ZGRF1: variants seen among roughly 807,000 people sequenced by gnomAD.
The protein encoded by ZGRF1 is zinc finger GRF-type containing 1, also known as 5'-3' DNA helicase ZGRF1.
Under a neutral mutation model 203.5 loss-of-function variants are expected in ZGRF1, and 196 were observed. The observed-to-expected ratio is 0.96, with a 90% CI of 0.86 to 1.08. The LOEUF is 1.08. ZGRF1 is among the 50% of genes least tolerant of loss of function. ZGRF1 has a pLI of 0.00. For missense variants in ZGRF1, 2,326 were observed against 2,416.3 expected (o/e 0.96, Z 0.78); for synonymous variants, 809 against 841.3 (o/e 0.96, Z 0.66).
At position 112,633,145 on chromosome 4, in the gene ZGRF1, G is replaced by T. The variant is rs1324326411; in HGVS notation, c.21+11C>A. ...GAATTTCACCAAACTGTGAAAAATG[G>T]TAAAACTTACAATAAATTCTTGGCT... On this transcript the variant is annotated intron_variant, in intron 2 of 27. Coordinates refer to ENST00000505019, the MANE Select transcript of ZGRF1 (RefSeq NM_018392.5). The T allele has an allele frequency of 5.6e-6, 9 of 1,607,608 alleles. No homozygotes were observed. The highest frequency in any genetic ancestry group is 3.4e-6 in the Non-Finnish European group (4 of 1,175,278).
At chr4:112,563,079 A>C in intron 17 of ZGRF1, 52 bp downstream of exon 17, 118 of 1,391,480 alleles carry the variant, frequency 8.5e-5, no homozygotes, top group Non-Finnish European at 1.0e-4. Flanking sequence ...AGTGCATCTT[A>C]TGTCTATCAT....
At chr4:112,552,219 G>C (rs1224009594) in intron 22 of ZGRF1, among the ~76,000 whole-genome samples, 2 of 151,730 alleles carry the variant, frequency 1.3e-5, no homozygotes, top group African/African-American at 4.8e-5. Flanking sequence ...GGAGGTTGCA[G>C]TGAGCTGAGA....
rs771351909 is a variant in ZGRF1 at position 112,597,891 on chromosome 4, C to CCA, written c.2976+5631_2976+5632dup. Among the ~76,000 whole-genome samples the CCA allele has an allele frequency of 2.8e-3, 405 of 147,110 alleles. 2 individuals carry two copies. Among genetic ancestry groups the CCA allele is most frequent in the African/African-American group, 8.9e-3 (354 of 39,884 alleles). ...AGAGCCAGACTGTCTCAAAATGTAC[C>CCA]CACACACACACACACTGAAAAAAAA... On this transcript the variant is annotated intron_variant, in intron 10 of 27. Coordinates refer to ENST00000505019, the MANE Select transcript of ZGRF1 (RefSeq NM_018392.5).
At chr4:112,546,072 GTAA>G (rs142640030) in intron 24 of ZGRF1, among the ~76,000 whole-genome samples, 75 of 147,252 alleles carry the variant, frequency 5.1e-4, no homozygotes, top group African/African-American at 1.8e-3. Flanking sequence ...GTACTTTAAA[GTAA>G]TAATAATAAT....
Position 112,605,887 on chromosome 4 carries a change from T to C in ZGRF1, c.2802+121A>G, listed in dbSNP as rs145531959. The C allele has an allele frequency of 4.2e-5, 29 of 694,414 alleles. No homozygotes were observed. The African/African-American group carries it at 4.8e-4, about 12-fold the overall frequency. 43.0% of individuals were successfully genotyped at this position (694,414 alleles called of 1,614,324 possible). A position where few individuals can be genotyped will look rare whatever the true frequency, so the allele number is the denominator to read the frequency against. On this transcript the variant is annotated intron_variant, in intron 9 of 27. Coordinates refer to ENST00000505019, the MANE Select transcript of ZGRF1 (RefSeq NM_018392.5). ...TTTCTTGTTCTTAAAACCAGACTTA[T>C]TTATTATGCTACTAACCTTCTGCCT...
At chr4:112,601,355 A>C (rs1291572114) in intron 10 of ZGRF1, among the ~76,000 whole-genome samples, 1 of 151,934 alleles carries the variant, frequency 6.6e-6, no homozygotes, top group Non-Finnish European at 1.5e-5. Context: ...TTTGAGAACA[A>C]CCTGGCCAAC....
At chr4:112,558,434 C>G in intron 19 of ZGRF1, 125 bp from the exon 20 acceptor site, 7 of 704,066 alleles carry the variant, frequency 9.9e-6, no homozygotes, top group Non-Finnish European at 1.5e-5. Flanking sequence ...GTGACACAAT[C>G]TCAGCTCACT....
intron 7 of ZGRF1, among the ~76,000 whole-genome samples, chr4:112,609,650 T>C (rs1193111713): frequency 6.6e-6 from 1 of 151,040 alleles, no homozygotes; most frequent in East Asian, 2.0e-4. Flanking sequence ...TACTAAAAAA[T>C]ACAAAAACTA....
intron 10 of ZGRF1, among the ~76,000 whole-genome samples, chr4:112,591,409 C>G (rs1254028080): frequency 1.3e-5 from 2 of 152,182 alleles, no homozygotes; most frequent in African/African-American, 2.4e-5. Flanking sequence ...TCCCCTACTA[C>G]CCTCTCCAGA....
chr4:112,580,755 G>A lies in ZGRF1; in HGVS notation c.4438+908C>T, dbSNP rs190923332. Among the ~76,000 whole-genome samples, 42 of 152,154 alleles carry A rather than the reference G, an allele frequency of 2.8e-4. No individual in the cohort carries two copies. The East Asian group carries it at 4.4e-3, about 16-fold the overall frequency. On this transcript the variant is annotated intron_variant, in intron 16 of 27. Coordinates refer to ENST00000505019, the MANE Select transcript of ZGRF1 (RefSeq NM_018392.5). ...ACCATCTCACACCAGTAAGAATGGC[G>A]ATCACTAAAAAGTCAGGAAACAACA...
intron 10 of ZGRF1, among the ~76,000 whole-genome samples, chr4:112,599,554 T>TAAA (rs558887822): frequency 7.8e-6 from 1 of 127,856 alleles, no homozygotes; most frequent in Non-Finnish European, 1.7e-5. Flanking sequence ...ACCCTGTGTC[T>TAAA]AAAAAAAAAA....
In ZGRF1 at chr4:112,631,859, G is replaced by GT. The variant is rs1274028414; in HGVS notation, c.102+70dup. The GT allele has an allele frequency of 6.9e-6, 5 of 727,168 alleles. No individual in the cohort carries two copies. The Admixed American group carries it at 8.9e-5, about 13-fold the overall frequency. The allele number at this position is 727,168 out of a possible 1,614,324, so 45.0% of individuals were successfully genotyped here. The stretch of plus-strand genomic sequence containing the variant: ...TATATCTGACATTTTATCATGTACA[G>GT]TTTTTTAAATATTCAATCAAAAATC... On this transcript the variant is annotated intron_variant, in intron 3 of 27. Transcript: ENST00000505019.
chr4:112,567,054 C>CCT (rs1264084265), intron 16 of ZGRF1, among the ~76,000 whole-genome samples: 1 of 152,132 alleles, frequency 6.6e-6, no homozygotes, highest in Non-Finnish European at 1.5e-5. Context: ...CCTCCAAACT[C>CCT]CTAGGGCTAA....
intron 24 of ZGRF1, among the ~76,000 whole-genome samples, chr4:112,546,233 G>A (rs1242766181): frequency 6.6e-6 from 1 of 152,014 alleles, no homozygotes; most frequent in Non-Finnish European, 1.5e-5. Flanking sequence ...GCAGGCTGGT[G>A]TTTGCCAGAA....
In ZGRF1 at chr4:112,586,331, A is replaced by G. The variant is rs953608746; in HGVS notation, c.3916+114T>C. 24 of 760,890 alleles carry G rather than the reference A, an allele frequency of 3.2e-5. No homozygotes were observed. The African/African-American group carries it at 3.8e-4, about 12-fold the overall frequency. The allele number at this position is 760,890 out of a possible 1,614,324, so 47.1% of individuals were successfully genotyped here. ...AAGTTACTGTCAAAAACTAGAACATATGAAAAATAAGGTATTTAGTATGAA... is the reference window on the plus strand; with the variant it reads ...AAGTTACTGTCAAAAACTAGAACATGTGAAAAATAAGGTATTTAGTATGAA... On this transcript the variant is annotated intron_variant, in intron 13 of 27. Coordinates refer to ENST00000505019, the MANE Select transcript of ZGRF1 (RefSeq NM_018392.5).
At chr4:112,554,657 A>C in intron 21 of ZGRF1, 48 bp downstream of exon 21, 1 of 901,096 alleles carries the variant, frequency 1.1e-6, no homozygotes, top group Non-Finnish European at 1.8e-6. Context: ...TAAAAGTACC[A>C]TACTTCCCTC....
At chr4:112,583,487 T>C (rs1746633691) in intron 15 of ZGRF1, among the ~76,000 whole-genome samples, 1 of 152,170 alleles carries the variant, frequency 6.6e-6, no homozygotes, top group Non-Finnish European at 1.5e-5. Flanking sequence ...GTTTGATGTT[T>C]AGAGGGAGCC....
chr4:112,567,197 A>T (rs1743271973), intron 16 of ZGRF1, among the ~76,000 whole-genome samples: 1 of 152,182 alleles, frequency 6.6e-6, no homozygotes, highest in South Asian at 2.1e-4. Context: ...TCCACCCCAT[A>T]GCTCATTTAC....
intron 24 of ZGRF1, among the ~76,000 whole-genome samples, 193 bp downstream of exon 24, chr4:112,547,091 CT>C (rs1459244504): frequency 1.3e-5 from 2 of 152,052 alleles, no homozygotes; most frequent in Non-Finnish European, 2.9e-5. Context: ...TGAAAAAATT[CT>C]TTTTATAAAA....
Sources: allele counts gnomAD v4.1 joint callset (sites outside exome capture counted in the v4.1 genomes callset), GRCh38; gene constraint gnomAD v4.1.1; transcripts MANE v1.5; gene names NCBI Gene and HGNC (gene_info 2026-07-23, HGNC 2026-07-21).